The following FABP7 variants were observed in gnomAD, a reference collection of about 807,000 sequenced individuals.
FABP7 encodes fatty acid binding protein 7, also known as fatty acid-binding protein, brain.
FABP7 carries 13 observed loss-of-function variants against 14.2 expected under a neutral mutation model. That is an observed-to-expected ratio of 0.91 (90% CI 0.59 to 1.45). The LOEUF (loss-of-function observed/expected upper bound fraction) is 1.45, where lower values mean the gene tolerates loss of function less well. FABP7 is among the 40% of genes most tolerant of loss of function. FABP7 has a pLI of 0.00. For synonymous variants in FABP7, 49 were observed against 51.4 expected (o/e 0.95, Z 0.20); for missense variants, 149 against 157.6 (o/e 0.95, Z 0.29).
At chr6:122,761,596 T>C in the FABP7 span, among the ~76,000 whole-genome samples, 1 of 152,168 alleles carries the variant, frequency 6.6e-6, no homozygotes, top group East Asian at 1.9e-4. Flanking sequence ...TGATTAAAAA[T>C]GCTAATCCCT....
chr6:122,773,189 TG>T, the FABP7 span, among the ~76,000 whole-genome samples: 74 of 152,316 alleles, frequency 4.9e-4, no homozygotes, highest in African/African-American at 1.7e-3. Context: ...CCAGAATACA[TG>T]CGAATCAAAA....
chr6:122,752,537 T>C, the FABP7 span, among the ~76,000 whole-genome samples: 2 of 152,180 alleles, frequency 1.3e-5, no homozygotes, highest in Admixed American at 6.5e-5. Context: ...CCTGGAGATA[T>C]TGGCATGATG....
intron 3 of FABP7, chr6:122,781,409 G>A: frequency 7.1e-7 from 1 of 1,411,586 alleles, no homozygotes; most frequent in Middle Eastern, 2.6e-4. Context: ...TTTGATTGTA[G>A]AAAAAGAGAA....
At chr6:122,776,713 A>G (rs1470813736), upstream of FABP7, among the ~76,000 whole-genome samples, 1 of 152,216 alleles carries the variant, frequency 6.6e-6, no homozygotes, top group Non-Finnish European at 1.5e-5. Context: ...TGAGGTGATA[A>G]ATATCATAAT....
At chr6:122,772,695 G>C in the FABP7 span, among the ~76,000 whole-genome samples, 1 of 152,062 alleles carries the variant, frequency 6.6e-6, no homozygotes, top group Admixed American at 6.5e-5. Flanking sequence ...CTGGGATTAC[G>C]GGCATGAGCC....
chr6:122,783,682 T>C (rs1780850807), intron 3 of FABP7, 35 bp from the exon 4 acceptor site: 2 of 1,565,364 alleles, frequency 1.3e-6, no homozygotes, highest in Non-Finnish European at 1.7e-6. Context: ...GAAGTTCCTG[T>C]ATAAAAAGAT....
chr6:122,774,677 A>C, the FABP7 span, among the ~76,000 whole-genome samples: 1 of 152,070 alleles, frequency 6.6e-6, no homozygotes, highest in Admixed American at 6.6e-5. Context: ...CAAGAGAAAG[A>C]AATAAAGGGC....
chr6:122,782,164 A>C, intron 3 of FABP7: 1 of 983,710 alleles, frequency 1.0e-6, no homozygotes, highest in South Asian at 4.7e-5. Flanking sequence ...TATTTTTTTC[A>C]ATCAGCCTCT....
the FABP7 span, among the ~76,000 whole-genome samples, chr6:122,759,498 T>A: frequency 6.6e-6 from 1 of 152,234 alleles, no homozygotes; most frequent in Non-Finnish European, 1.5e-5. Flanking sequence ...TTAATCAGGC[T>A]TAATCAGAGG....
chr6:122,776,228 G>A (rs1051160225), upstream of FABP7, among the ~76,000 whole-genome samples: 4 of 152,040 alleles, frequency 2.6e-5, no homozygotes, highest in African/African-American at 9.7e-5. Context: ...GTGCTTCCAT[G>A]TTTATTACAG....
chr6:122,776,836 T>C (rs755848147), upstream of FABP7, among the ~76,000 whole-genome samples: 3 of 152,192 alleles, frequency 2.0e-5, no homozygotes, highest in Non-Finnish European at 4.4e-5. Context: ...AATAGTCACT[T>C]GACTTTTTCT....
At chr6:122,780,623 A>G (rs1198760743) in intron 2 of FABP7, 160 bp downstream of exon 2, 2 of 751,652 alleles carry the variant, frequency 2.7e-6, no homozygotes, top group Non-Finnish European at 4.3e-6. Flanking sequence ...TGCATATGTT[A>G]TATTTTGAAC....
the FABP7 span, among the ~76,000 whole-genome samples, chr6:122,749,385 C>G: frequency 6.6e-6 from 1 of 152,142 alleles, no homozygotes; most frequent in Non-Finnish European, 1.5e-5. Flanking sequence ...ATGCTGCCTA[C>G]ATTTATTAAA....
the FABP7 span, among the ~76,000 whole-genome samples, chr6:122,760,668 G>A: frequency 1.3e-5 from 2 of 151,760 alleles, no homozygotes; most frequent in African/African-American, 4.8e-5. Context: ...AAATATGATT[G>A]GGGAGTGATT....
chr6:122,770,380 T>G, the FABP7 span, among the ~76,000 whole-genome samples: 1 of 152,210 alleles, frequency 6.6e-6, no homozygotes, highest in South Asian at 2.1e-4. Context: ...ACAAGACACT[T>G]TTATCTGATA....
chr6:122,756,318 T>C, the FABP7 span, among the ~76,000 whole-genome samples: 13 of 152,358 alleles, frequency 8.5e-5, no homozygotes, highest in East Asian at 2.5e-3. Flanking sequence ...CCCACCACCC[T>C]GATTGAACTC....
the FABP7 span, among the ~76,000 whole-genome samples, chr6:122,768,424 T>C: frequency 6.6e-6 from 1 of 152,258 alleles, no homozygotes; most frequent in East Asian, 1.9e-4. Context: ...ATGTAAAACA[T>C]TTTATGAAGA....
the FABP7 span, among the ~76,000 whole-genome samples, chr6:122,760,867 T>C: frequency 1.3e-5 from 2 of 152,142 alleles, no homozygotes; most frequent in South Asian, 4.1e-4. Flanking sequence ...ATAATAGTGA[T>C]ATATCACTAT....
At chr6:122,763,230 T>C in the FABP7 span, among the ~76,000 whole-genome samples, 2 of 152,048 alleles carry the variant, frequency 1.3e-5, no homozygotes, top group African/African-American at 4.8e-5. Context: ...TCAGAAGTAA[T>C]TCCACACATC....
Sources: gnomAD v4.1 joint callset for allele counts (sites outside exome capture counted in the v4.1 genomes callset) on GRCh38, gnomAD v4.1.1 for gene constraint, MANE v1.5 for transcripts, NCBI Gene and HGNC (gene_info 2026-07-23, HGNC 2026-07-21) for gene names.